Variants in KCND3 observed in about 807,000 individuals in gnomAD.
KCND3 encodes the protein A-type voltage-gated potassium channel KCND3.
In KCND3, 9 loss-of-function variants were observed where a neutral mutation model predicts 51.1. That is an observed-to-expected ratio of 0.18 (90% CI 0.11 to 0.31). KCND3 has a LOEUF of 0.31. Among genes scored for constraint, KCND3 ranks in the 10% least tolerant of loss-of-function variants. KCND3 has a pLI of 1.00. For synonymous variants in KCND3, 349 were observed against 368.0 expected (o/e 0.95, Z 0.59); for missense variants, 526 against 903.8 (o/e 0.58, Z 5.36).
intron 2 of KCND3, among the ~76,000 whole-genome samples, chr1:111,945,343 G>C (rs1672727471): frequency 6.6e-6 from 1 of 152,198 alleles, no homozygotes; most frequent in Non-Finnish European, 1.5e-5. Flanking sequence ...TAGAAGTTTG[G>C]AATGCATGGT....
intron 2 of KCND3, among the ~76,000 whole-genome samples, chr1:111,948,428 C>G (rs965676326): frequency 9.9e-5 from 15 of 152,226 alleles, no homozygotes; most frequent in African/African-American, 3.6e-4. Context: ...TGGGAGGTGC[C>G]AGGGAGGTGC....
intron 2 of KCND3, among the ~76,000 whole-genome samples, chr1:111,885,327 G>A (rs186233532): frequency 1.3e-5 from 2 of 152,174 alleles, no homozygotes; most frequent in East Asian, 1.9e-4. Context: ...TCAACAACTC[G>A]AATAAAGACA....
Position 111,784,604 on chromosome 1 carries a change from C to G in KCND3, c.1269+2340G>C, listed in dbSNP as rs115393825. On this transcript the variant is annotated intron_variant, in intron 3 of 7. Coordinates refer to ENST00000302127, the MANE Select transcript of KCND3 (RefSeq NM_001378969.1). ...GCTGAGAACTATCATTAGTTTCCTT[C>G]CCATCCCATCTCTCCACTTTCCACC... 8.1e-4 allele frequency among the ~76,000 whole-genome samples: 123 copies of G among 152,318 alleles called. No homozygotes were observed. In the Middle Eastern group the frequency reaches 0.01, roughly 13 times the overall value.
At chr1:111,963,554 C>T (rs1040483545) in intron 2 of KCND3, among the ~76,000 whole-genome samples, 14 of 152,234 alleles carry the variant, frequency 9.2e-5, no homozygotes, top group Non-Finnish European at 1.9e-4. Context: ...ATGACCTGGT[C>T]CACCGTATGA....
chr1:111,793,898 C>T (rs182642022), intron 2 of KCND3, among the ~76,000 whole-genome samples: 14 of 152,294 alleles, frequency 9.2e-5, no homozygotes, highest in Admixed American at 3.9e-4. Context: ...ATGCAAATAA[C>T]GACTCTCCTC....
intron 1 of KCND3, among the ~76,000 whole-genome samples, chr1:111,986,506 AGG>A (rs1675293892): frequency 6.6e-6 from 1 of 152,214 alleles, no homozygotes. Flanking sequence ...GCAATGAGCA[AGG>A]GCTCATGAGG....
chr1:111,825,926 G>C (rs1162288048), intron 2 of KCND3, among the ~76,000 whole-genome samples: 4 of 152,124 alleles, frequency 2.6e-5, no homozygotes, highest in Non-Finnish European at 5.9e-5. Flanking sequence ...CATATCCCAC[G>C]TGCAGTGTTT....
intron 2 of KCND3, among the ~76,000 whole-genome samples, chr1:111,883,283 G>A (rs1046984153): frequency 7.9e-5 from 12 of 152,244 alleles, no homozygotes; most frequent in African/African-American, 2.9e-4. Flanking sequence ...TACAAATGAA[G>A]AAATGGAGGC....
Position 111,982,118 on chromosome 1 carries a change from C to T in KCND3, c.609G>A (p.Glu203=), listed in dbSNP as rs1171946587. 2.5e-6 allele frequency: 4 copies of T among 1,613,892 alleles called. No individual in the cohort carries two copies. The East Asian group carries it at 8.9e-5, about 36-fold the overall frequency. The change falls in exon 2 of 8, where the codon GAG becomes GAA. Residue 203 remains glutamate (E), a synonymous_variant. Coordinates refer to ENST00000302127, the MANE Select transcript of KCND3 (RefSeq NM_001378969.1). This position sits in a 1 kb window ranked among gnomAD's most constrained non-coding sequence, Gnocchi z 8.5. ...IAVSVITNVV[E]TVPCGTVPGS... ...CCGGGACCGTGCCGCACGGCACCGTCTCCACCACGTTGGTGATGACCGAGA... is the reference window on the plus strand; with the variant it reads ...CCGGGACCGTGCCGCACGGCACCGTTTCCACCACGTTGGTGATGACCGAGA...
intron 2 of KCND3, among the ~76,000 whole-genome samples, chr1:111,845,529 T>TC (rs1369132296): frequency 6.9e-6 from 1 of 144,302 alleles, no homozygotes; most frequent in Non-Finnish European, 1.5e-5. Flanking sequence ...CCCATCACCC[T>TC]CCCGCCCCCA....
At chr1:111,944,546 G>C (rs1672687303) in intron 2 of KCND3, among the ~76,000 whole-genome samples, 1 of 152,168 alleles carries the variant, frequency 6.6e-6, no homozygotes, top group African/African-American at 2.4e-5. Flanking sequence ...CACAGGGTGA[G>C]TCCCAGCTGC....
chr1:111,804,421 C>G (rs942772747), intron 2 of KCND3, among the ~76,000 whole-genome samples: 1 of 152,234 alleles, frequency 6.6e-6, no homozygotes, highest in Non-Finnish European at 1.5e-5. Context: ...CTGAACCCTC[C>G]CTTTACAACA....
At chr1:111,934,564 G>A (rs556167741) in intron 2 of KCND3, among the ~76,000 whole-genome samples, 1 of 152,314 alleles carries the variant, frequency 6.6e-6, no homozygotes, top group Non-Finnish European at 1.5e-5. Flanking sequence ...CCAGACTCGT[G>A]TATGTTCTGG....
At chr1:111,956,787 T>C (rs1673365204) in intron 2 of KCND3, among the ~76,000 whole-genome samples, 1 of 152,128 alleles carries the variant, frequency 6.6e-6, no homozygotes, top group Non-Finnish European at 1.5e-5. Context: ...GACCTGAGTC[T>C]TTCCCTCTCT....
In KCND3 at chr1:111,811,259, C is replaced by G. The variant is rs114687919; in HGVS notation, c.1107-24153G>C. Among the ~76,000 whole-genome samples, 342 of 152,220 alleles carry G rather than the reference C, an allele frequency of 2.2e-3. 4 individuals carry two copies. Among genetic ancestry groups the G allele is most frequent in the African/African-American group, 8.0e-3 (333 of 41,540 alleles). ...GATCAGTGCTTACTGAGTGGGGCAA[C>G]AGTGTGGCAGGTCCTGGACTAGGTG... On this transcript the variant is annotated intron_variant, in intron 2 of 7. Transcript: ENST00000302127.
chr1:111,830,972 G>A (rs1666806233), intron 2 of KCND3, among the ~76,000 whole-genome samples: 1 of 152,170 alleles, frequency 6.6e-6, no homozygotes, highest in African/African-American at 2.4e-5. Context: ...TAGACAATGT[G>A]GAAAACATTG....
At chr1:111,951,292 G>A (rs867356288) in intron 2 of KCND3, among the ~76,000 whole-genome samples, 18 of 151,920 alleles carry the variant, frequency 1.2e-4, no homozygotes, top group Middle Eastern at 3.2e-3. Context: ...GCCCAGACAG[G>A]ATTCAAATCA....
At chr1:111,939,067 TCA>T (rs953832069) in intron 2 of KCND3, among the ~76,000 whole-genome samples, 13 of 152,182 alleles carry the variant, frequency 8.5e-5, no homozygotes, top group Admixed American at 5.9e-4. Context: ...ATCACAGGCC[TCA>T]CTCAGACCGT....
At position 111,780,434 on chromosome 1, in the gene KCND3, C is replaced by A; in HGVS notation, c.1372-120G>T. The stretch of plus-strand genomic sequence containing the variant: ...ATAATCAAATTTTTTTTTATTTGAC[C>A]AAATTTCAGGGTCAGCATTGAATAT... On this transcript the variant is annotated intron_variant, in intron 4 of 7. Coordinates refer to ENST00000302127, the MANE Select transcript of KCND3 (RefSeq NM_001378969.1). The surrounding 1 kb of genome is among the most constrained non-coding windows in gnomAD (Gnocchi z 4.2). 1.9e-6 allele frequency: 2 copies of A among 1,053,854 alleles called. No individual in the cohort carries two copies. Among genetic ancestry groups the A allele is most frequent in the South Asian group, 2.7e-5 (2 of 73,164 alleles). 65.3% of individuals were successfully genotyped at this position (1,053,854 alleles called of 1,614,324 possible).
Sources: gnomAD v4.1 joint callset for allele counts (sites outside exome capture counted in the v4.1 genomes callset) on GRCh38, gnomAD v4.1.1 for gene constraint, Gnocchi (gnomAD v3.1) non-coding constraint, MANE v1.5 for transcripts, NCBI Gene and HGNC (gene_info 2026-07-23, HGNC 2026-07-21) for gene names.